MYO6: variants seen among roughly 807,000 people sequenced by gnomAD.
The protein encoded by MYO6 is myosin VI, also known as unconventional myosin-VI.
Under a neutral mutation model 178.7 loss-of-function variants are expected in MYO6, and 74 were observed. The ratio of observed to expected loss-of-function variants is 0.41; its 90% CI spans 0.34 to 0.50. The LOEUF (loss-of-function observed/expected upper bound fraction) is 0.50. MYO6 is among the 20% of genes least tolerant of loss of function. MYO6 has a pLI of 0.09. For synonymous variants in MYO6, 477 were observed against 504.6 expected (o/e 0.95, Z 0.73); for missense variants, 1,330 against 1,547.4 (o/e 0.86, Z 2.36).
At chr6:75,814,742 C>T (rs1771043917) in intron 1 of MYO6, among the ~76,000 whole-genome samples, 2 of 151,920 alleles carry the variant, frequency 1.3e-5, no homozygotes, top group Non-Finnish European at 2.9e-5. Flanking sequence ...CCTGATGGTC[C>T]CAGCTACTTG....
chr6:75,796,629 CTTT>C (rs143090177), intron 1 of MYO6, among the ~76,000 whole-genome samples: 4 of 132,420 alleles, frequency 3.0e-5, no homozygotes, highest in Non-Finnish European at 4.8e-5. Context: ...TGACTCCCAT[CTTT>C]TTTTTTTTTT....
intron 1 of MYO6, among the ~76,000 whole-genome samples, chr6:75,760,188 A>G (rs1463928651): frequency 1.3e-5 from 2 of 152,210 alleles, no homozygotes; most frequent in African/African-American, 4.8e-5. Context: ...AAATTTCTGT[A>G]TAAATCTGTT....
At chr6:75,834,077 CA>C (rs1408306463) in intron 6 of MYO6, among the ~76,000 whole-genome samples, 24 of 152,310 alleles carry the variant, frequency 1.6e-4, no homozygotes, top group African/African-American at 5.8e-4. Context: ...CTGTTGTTAG[CA>C]TGGTTAAAAC....
chr6:75,761,592 AACACACAC>A (rs3057486), intron 1 of MYO6, among the ~76,000 whole-genome samples: 3 of 142,970 alleles, frequency 2.1e-5, no homozygotes, highest in East Asian at 4.1e-4. Flanking sequence ...GGGCTGTTAG[AACACACAC>A]ACACACACAC....
chr6:75,892,992 T>G (rs1779025007), intron 28 of MYO6, among the ~76,000 whole-genome samples: 1 of 152,152 alleles, frequency 6.6e-6, no homozygotes, highest in African/African-American at 2.4e-5. Context: ...GTATATTAGG[T>G]AGACACCTAA....
chr6:75,779,789 G>A (rs1421225280), intron 1 of MYO6, among the ~76,000 whole-genome samples: 2 of 152,094 alleles, frequency 1.3e-5, no homozygotes, highest in South Asian at 2.1e-4. Context: ...CCTGCTATTC[G>A]TTTAGTTTAC....
intron 13 of MYO6, among the ~76,000 whole-genome samples, chr6:75,857,523 T>A (rs1775831558): frequency 6.6e-6 from 1 of 152,184 alleles, no homozygotes; most frequent in Admixed American, 6.5e-5. Context: ...CTCTATACTC[T>A]AAAAGGAATA....
intron 1 of MYO6, among the ~76,000 whole-genome samples, chr6:75,794,204 C>T (rs1768544066): frequency 6.6e-6 from 1 of 152,052 alleles, no homozygotes; most frequent in African/African-American, 2.4e-5. Flanking sequence ...AGAAGGAGAA[C>T]ATTAAATTAT....
chr6:75,769,727 C>T (rs1330402385), intron 1 of MYO6, among the ~76,000 whole-genome samples: 5 of 152,030 alleles, frequency 3.3e-5, no homozygotes, highest in African/African-American at 9.7e-5. Flanking sequence ...CGGTGAAACC[C>T]GTCTCTACTA....
At chr6:75,757,011 ATATATGTATACACACATATATAG>A (rs1777460629) in intron 1 of MYO6, among the ~76,000 whole-genome samples, 3 of 140,570 alleles carry the variant, frequency 2.1e-5, no homozygotes, top group Admixed American at 1.4e-4. Flanking sequence ...TATAGTGTGT[ATATATGTATACACACATATATAG>A]TGTGTATATA....
chr6:75,788,562 T>C (rs969410227), intron 1 of MYO6, among the ~76,000 whole-genome samples: 1 of 152,186 alleles, frequency 6.6e-6, no homozygotes, highest in African/African-American at 2.4e-5. Flanking sequence ...TGAAGCACCC[T>C]GATGGTGGGG....
intron 29 of MYO6, among the ~76,000 whole-genome samples, chr6:75,895,505 T>C (rs1036715949): frequency 6.6e-6 from 1 of 151,844 alleles, no homozygotes; most frequent in African/African-American, 2.4e-5. Flanking sequence ...TTTTGTTTTA[T>C]GTATATATAT....
chr6:75,764,792 G>A (rs1778258363), intron 1 of MYO6, among the ~76,000 whole-genome samples: 1 of 152,088 alleles, frequency 6.6e-6, no homozygotes, highest in East Asian at 1.9e-4. Context: ...GAGGCCAGGA[G>A]TTCAAGACCC....
Position 75,848,353 on chromosome 6 carries a change from C to A in MYO6, c.900C>A (p.Tyr300Ter). Residue 300 changes from tyrosine (Y) to a stop codon, truncating the protein, a stop_gained and splice_region_variant, in exon 11 of 35, where the codon TAC becomes TAA. Transcript: ENST00000369977. LOFTEE classifies it high-confidence loss of function. ...ATTGGTGTCTTCTTGTTTTGTAGTA[C>A]CTTAAGGCAGGTTCTATGAAAGATC... is the stretch of plus-strand genomic sequence containing the variant. The part of the protein sequence containing the change: ...QILQNRKSPE[Y>*]LKAGSMKDPL... The A allele has an allele frequency of 6.2e-7, 1 of 1,613,176 alleles. No homozygotes were observed. The highest frequency in any genetic ancestry group is 8.5e-7 in the Non-Finnish European group (1 of 1,179,420).
chr6:75,823,649 G>A (rs1415529582), intron 3 of MYO6, among the ~76,000 whole-genome samples: 1 of 152,208 alleles, frequency 6.6e-6, no homozygotes, highest in Non-Finnish European at 1.5e-5. Flanking sequence ...TCACATTTGA[G>A]TAAGACTATA....
intron 22 of MYO6, among the ~76,000 whole-genome samples, chr6:75,880,659 T>C (rs538994299): frequency 7.9e-5 from 12 of 152,224 alleles, no homozygotes; most frequent in Non-Finnish European, 1.6e-4. Context: ...AAGCACTTTT[T>C]CTTGTTTAAA....
At chr6:75,836,264 G>A (rs1773632975) in intron 7 of MYO6, among the ~76,000 whole-genome samples, 1 of 152,188 alleles carries the variant, frequency 6.6e-6, no homozygotes, top group African/African-American at 2.4e-5. Flanking sequence ...CTTCCAGTTT[G>A]TTTTATGGAG....
intron 1 of MYO6, among the ~76,000 whole-genome samples, chr6:75,786,352 A>C (rs2150068845): frequency 6.6e-6 from 1 of 152,274 alleles, no homozygotes; most frequent in South Asian, 2.1e-4. Context: ...TTCTTGAAGA[A>C]TGTCTTGGCT....
intron 1 of MYO6, among the ~76,000 whole-genome samples, chr6:75,773,678 A>G (rs1436768702): frequency 6.6e-6 from 1 of 152,166 alleles, no homozygotes; most frequent in Admixed American, 6.6e-5. Context: ...CTTTTATCAT[A>G]TGGTTATGCT....
Sources: gnomAD v4.1 joint callset for allele counts (sites outside exome capture counted in the v4.1 genomes callset) on GRCh38, gnomAD v4.1.1 for gene constraint, MANE v1.5 for transcripts, NCBI Gene and HGNC (gene_info 2026-07-23, HGNC 2026-07-21) for gene names.